Variants in MACROD2 observed in about 807,000 individuals in gnomAD.
The protein encoded by MACROD2 is mono-ADP ribosylhydrolase 2, also known as ADP-ribose glycohydrolase MACROD2.
Under a neutral mutation model 70.4 loss-of-function variants are expected in MACROD2, and 36 were observed. That is an observed-to-expected ratio of 0.51 (90% CI 0.39 to 0.68). MACROD2 has a LOEUF of 0.68. Ranked by LOEUF, MACROD2 falls within the 30% of genes least tolerant of loss-of-function variation. MACROD2 has a pLI of 0.00. For missense variants in MACROD2, 496 were observed against 538.4 expected (o/e 0.92, Z 0.78); for synonymous variants, 172 against 178.8 (o/e 0.96, Z 0.30).
intron 8 of MACROD2, among the ~76,000 whole-genome samples, chr20:15,767,865 C>T (rs1407253927): frequency 6.6e-6 from 1 of 151,996 alleles, no homozygotes; most frequent in East Asian, 1.9e-4. Flanking sequence ...TCCCTTTAAC[C>T]ACCGATTGCC....
intron 12 of MACROD2, among the ~76,000 whole-genome samples, chr20:15,953,837 A>G (rs1031710231): frequency 2.0e-5 from 3 of 152,158 alleles, no homozygotes; most frequent in Non-Finnish European, 4.4e-5. Flanking sequence ...TTCCCTCAAA[A>G]CTGACACCTG....
chr20:15,922,703 T>C (rs1412279425), intron 10 of MACROD2, among the ~76,000 whole-genome samples: 3 of 152,344 alleles, frequency 2.0e-5, no homozygotes, highest in East Asian at 1.9e-4. Context: ...CCTGCTGCCC[T>C]CCCTGCTTCC....
chr20:14,430,444 T>C (rs554145055), intron 3 of MACROD2, among the ~76,000 whole-genome samples: 1 of 152,246 alleles, frequency 6.6e-6, no homozygotes, highest in African/African-American at 2.4e-5. Flanking sequence ...TAGTAAATGC[T>C]ACATTTAGCA....
At chr20:16,048,597 T>C (rs148080941) in intron 17 of MACROD2, among the ~76,000 whole-genome samples, 47 of 152,230 alleles carry the variant, frequency 3.1e-4, no homozygotes, top group African/African-American at 1.1e-3. Context: ...GGACCGCAGA[T>C]ATAAAATACA....
At chr20:14,665,905 C>T (rs1214654854) in intron 4 of MACROD2, among the ~76,000 whole-genome samples, 2 of 152,056 alleles carry the variant, frequency 1.3e-5, no homozygotes, top group African/African-American at 4.8e-5. Context: ...TCTTCTGCCT[C>T]CTAGTAATAA....
At chr20:15,531,076 A>G (rs1197550825) in intron 8 of MACROD2, among the ~76,000 whole-genome samples, 1 of 151,140 alleles carries the variant, frequency 6.6e-6, no homozygotes, top group Non-Finnish European at 1.5e-5. Flanking sequence ...ATTAATAATT[A>G]AGAATAGAGC....
intron 8 of MACROD2, among the ~76,000 whole-genome samples, chr20:15,666,431 T>A (rs915316366): frequency 6.6e-6 from 1 of 152,242 alleles, no homozygotes; most frequent in Non-Finnish European, 1.5e-5. Flanking sequence ...ATTGTCAGGA[T>A]ACTTTTCTAA....
intron 5 of MACROD2, among the ~76,000 whole-genome samples, chr20:14,700,344 T>C (rs540628129): frequency 6.6e-6 from 1 of 152,284 alleles, no homozygotes; most frequent in Non-Finnish European, 1.5e-5. Flanking sequence ...TATTATAAGC[T>C]GAGTTTTATA....
chr20:14,515,452 G>GAT (rs2085081660), intron 4 of MACROD2, among the ~76,000 whole-genome samples: 1 of 23,570 alleles, frequency 4.2e-5, no homozygotes, highest in Non-Finnish European at 7.5e-5. Context: ...GAATATGTGA[G>GAT]ATACACACAC....
rs186143898 is a variant in MACROD2 at position 15,332,657 on chromosome 20, G to A, written c.541-98748G>A. Among the ~76,000 whole-genome samples the A allele has an allele frequency of 1.8e-3, 272 of 151,508 alleles. 10 individuals are homozygous for A. The highest frequency in any genetic ancestry group is 6.1e-3 in the African/African-American group (249 of 40,986). Reference sequence around the variant, plus strand: ...GGCCTTTCATGAGACGATATATGACGTGAATATTGTTATTATTTATTTTGG... The same window carrying A: ...GGCCTTTCATGAGACGATATATGACATGAATATTGTTATTATTTATTTTGG... On this transcript the variant is annotated intron_variant, in intron 6 of 17. Transcript: ENST00000684519.
intron 8 of MACROD2, among the ~76,000 whole-genome samples, chr20:15,742,338 TG>T (rs2051118222): frequency 6.6e-6 from 1 of 152,144 alleles, no homozygotes; most frequent in African/African-American, 2.4e-5. Flanking sequence ...CAAAACAAAA[TG>T]GAGAATTAAG....
intron 8 of MACROD2, among the ~76,000 whole-genome samples, chr20:15,539,435 A>G (rs2047924264): frequency 1.3e-5 from 2 of 152,232 alleles, no homozygotes; most frequent in South Asian, 4.1e-4. Flanking sequence ...GAATGCAGTG[A>G]TATTGAAACA....
At chr20:14,002,611 C>A (rs1359981792) in intron 2 of MACROD2, among the ~76,000 whole-genome samples, 6 of 152,102 alleles carry the variant, frequency 3.9e-5, no homozygotes, top group Non-Finnish European at 8.8e-5. Context: ...CTGAAATATA[C>A]CACATTTATA....
chr20:15,555,744 GCT>G (rs1363851021), intron 8 of MACROD2, among the ~76,000 whole-genome samples: 4 of 142,594 alleles, frequency 2.8e-5, no homozygotes, highest in African/African-American at 1.1e-4. Flanking sequence ...CAGGAGAATT[GCT>G]TGAACCTGGA....
Position 14,696,241 on chromosome 20 carries a change from T to C in MACROD2, c.418+11282T>C, listed in dbSNP as rs527671757. On this transcript the variant is annotated intron_variant, in intron 5 of 17. Coordinates refer to ENST00000684519, the MANE Select transcript of MACROD2 (RefSeq NM_001351661.2). ...CAAAGTCCAGCTTAGTAAAGAAGCA[T>C]TGAGAGAAAAACAACACAAACCAAA... Among the ~76,000 whole-genome samples, 205 of 152,280 alleles carry C rather than the reference T, an allele frequency of 1.3e-3. 1 individual carries two copies. The highest frequency in any genetic ancestry group is 4.7e-3 in the African/African-American group (196 of 41,550).
At chr20:15,213,452 G>T (rs1305116536) in intron 5 of MACROD2, among the ~76,000 whole-genome samples, 3 of 151,806 alleles carry the variant, frequency 2.0e-5, no homozygotes, top group Non-Finnish European at 4.4e-5. Context: ...TGGTTAAGGA[G>T]GCCTCTTAGC....
At chr20:15,443,556 G>A (rs1048730189) in intron 7 of MACROD2, among the ~76,000 whole-genome samples, 18 of 152,050 alleles carry the variant, frequency 1.2e-4, no homozygotes, top group African/African-American at 4.1e-4. Flanking sequence ...AATGAATCCA[G>A]TTTTACCAAA....
chr20:14,821,242 G>A (rs910081939), intron 5 of MACROD2, among the ~76,000 whole-genome samples: 1 of 152,024 alleles, frequency 6.6e-6, no homozygotes, highest in Non-Finnish European at 1.5e-5. Flanking sequence ...GCATAATTGG[G>A]TTAATATCTT....
chr20:15,850,673 T>C (rs540436756), intron 8 of MACROD2, among the ~76,000 whole-genome samples: 1 of 152,320 alleles, frequency 6.6e-6, no homozygotes, highest in South Asian at 2.1e-4. Context: ...GCTTTGGCCA[T>C]GTGAGATTTA....
Sources: gnomAD v4.1 joint callset for allele counts (sites outside exome capture counted in the v4.1 genomes callset) on GRCh38, gnomAD v4.1.1 for gene constraint, MANE v1.5 for transcripts, NCBI Gene and HGNC (gene_info 2026-07-23, HGNC 2026-07-21) for gene names.